GALNT13: variants seen among roughly 807,000 people sequenced by gnomAD.
GALNT13 encodes polypeptide N-acetylgalactosaminyltransferase 13, also known as UDP-GalNAc:polypeptide N-acetylgalactosaminyltransferase 13.
In GALNT13, 28 loss-of-function variants were observed where a neutral mutation model predicts 64.2. The ratio of observed to expected loss-of-function variants is 0.44; its 90% CI spans 0.32 to 0.60. The LOEUF (loss-of-function observed/expected upper bound fraction) is 0.60. GALNT13 is among the 20% of genes least tolerant of loss of function. The pLI is 0.05. For synonymous variants in GALNT13, 214 were observed against 224.6 expected, an observed-to-expected ratio of 0.95 and a Z score of 0.42; for missense variants, 577 against 669.8, an observed-to-expected ratio of 0.86 and a Z score of 1.53.
chr2:154,095,422 G>A (rs952710115), intron 3 of GALNT13, among the ~76,000 whole-genome samples: 1 of 151,916 alleles, frequency 6.6e-6, no homozygotes, highest in East Asian at 1.9e-4. Context: ...GTAATTGGGT[G>A]TTTTTTGCAA....
intron 3 of GALNT13, among the ~76,000 whole-genome samples, chr2:154,084,939 G>A (rs191585007): frequency 2.0e-5 from 3 of 151,696 alleles, no homozygotes; most frequent in African/African-American, 7.3e-5. Context: ...CCTCAGTAAG[G>A]CAATTTAATT....
the GALNT13 span, among the ~76,000 whole-genome samples, chr2:153,328,617 C>G: frequency 9.2e-5 from 14 of 152,228 alleles, no homozygotes; most frequent in African/African-American, 3.4e-4. Flanking sequence ...AGGGGAAACC[C>G]GTCTACTCAA....
the GALNT13 span, among the ~76,000 whole-genome samples, chr2:153,758,428 C>T: frequency 6.6e-6 from 1 of 151,940 alleles, no homozygotes; most frequent in Admixed American, 6.6e-5. Context: ...AGTGTAATGC[C>T]TCCAGCTTTG....
chr2:153,760,214 C>A, the GALNT13 span, among the ~76,000 whole-genome samples: 1 of 151,704 alleles, frequency 6.6e-6, no homozygotes, highest in Non-Finnish European at 1.5e-5. Flanking sequence ...CTATGTTTAT[C>A]TTCTCAAAAA....
At chr2:153,463,515 G>A in the GALNT13 span, among the ~76,000 whole-genome samples, 1 of 152,016 alleles carries the variant, frequency 6.6e-6, no homozygotes, top group Non-Finnish European at 1.5e-5. Context: ...CACTAAGTGA[G>A]CCTGCAGAAC....
intron 4 of GALNT13, among the ~76,000 whole-genome samples, chr2:154,169,067 T>C (rs565389819): frequency 6.6e-6 from 1 of 151,996 alleles, no homozygotes; most frequent in South Asian, 2.1e-4. Context: ...TAGGCTCCTT[T>C]TAACAACCTG....
chr2:153,295,550 C>T, the GALNT13 span, among the ~76,000 whole-genome samples: 5 of 150,210 alleles, frequency 3.3e-5, no homozygotes, highest in Admixed American at 6.6e-5. Flanking sequence ...AAAAAAGAAT[C>T]CTGTGCTCCA....
At chr2:153,787,102 A>G in the GALNT13 span, among the ~76,000 whole-genome samples, 34 of 152,278 alleles carry the variant, frequency 2.2e-4, no homozygotes, top group African/African-American at 7.9e-4. Context: ...GGGAGAAAAC[A>G]TAAACCCTGA....
At chr2:153,711,618 G>A in the GALNT13 span, among the ~76,000 whole-genome samples, 6 of 152,160 alleles carry the variant, frequency 3.9e-5, no homozygotes, top group South Asian at 2.1e-4. Flanking sequence ...AAGAAGTTAA[G>A]TAATTATATG....
intron 4 of GALNT13, among the ~76,000 whole-genome samples, chr2:154,160,166 G>A (rs1034941392): frequency 1.3e-5 from 2 of 152,060 alleles, no homozygotes; most frequent in Admixed American, 6.6e-5. Context: ...TAGATACTAT[G>A]GTGCAGCCTA....
chr2:154,167,009 G>A (rs1433923551), intron 4 of GALNT13, among the ~76,000 whole-genome samples: 1 of 152,028 alleles, frequency 6.6e-6, no homozygotes, highest in Non-Finnish European at 1.5e-5. Context: ...GATAGCATTA[G>A]GAGATATACC....
At chr2:154,168,620 G>A (rs956297784) in intron 4 of GALNT13, among the ~76,000 whole-genome samples, 3 of 148,262 alleles carry the variant, frequency 2.0e-5, no homozygotes, top group African/African-American at 7.5e-5. Context: ...AGATCACAAG[G>A]TCAGGAGTTC....
At chr2:154,149,716 T>C (rs1446099832) in intron 4 of GALNT13, among the ~76,000 whole-genome samples, 2 of 152,200 alleles carry the variant, frequency 1.3e-5, no homozygotes, top group African/African-American at 4.8e-5. Flanking sequence ...ACTCATGATT[T>C]GGCTCTCTGT....
the GALNT13 span, among the ~76,000 whole-genome samples, chr2:153,609,144 G>C: frequency 5.3e-5 from 8 of 151,926 alleles, no homozygotes; most frequent in Non-Finnish European, 1.0e-4. Flanking sequence ...GTTTCACCAT[G>C]TTCCCCAGGC....
At chr2:154,387,397 T>C (rs1208302584) in intron 9 of GALNT13, among the ~76,000 whole-genome samples, 2 of 152,096 alleles carry the variant, frequency 1.3e-5, no homozygotes, top group Non-Finnish European at 2.9e-5. Context: ...AATAAATAAA[T>C]CAAGCTAATT....
At chr2:153,154,989 T>C in the GALNT13 span, among the ~76,000 whole-genome samples, 1 of 152,200 alleles carries the variant, frequency 6.6e-6, no homozygotes, top group Non-Finnish European at 1.5e-5. Flanking sequence ...GAAAATCATG[T>C]GGTTTTTGTC....
At chr2:153,942,498 C>T (rs955242673) in intron 2 of GALNT13, among the ~76,000 whole-genome samples, 90 of 152,038 alleles carry the variant, frequency 5.9e-4, no homozygotes, top group African/African-American at 1.7e-3. Context: ...AGAATGTACA[C>T]GGTAACAGGA....
the GALNT13 span, among the ~76,000 whole-genome samples, chr2:153,404,029 A>G: frequency 6.6e-6 from 1 of 152,186 alleles, no homozygotes; most frequent in South Asian, 2.1e-4. Context: ...CTGTGTTTCT[A>G]CCAAACACTG....
At chr2:153,587,002 C>A in the GALNT13 span, among the ~76,000 whole-genome samples, 1 of 151,990 alleles carries the variant, frequency 6.6e-6, no homozygotes, top group East Asian at 1.9e-4. Flanking sequence ...GAGTCTGAGG[C>A]AGATGGATCA....
Sources: allele counts gnomAD v4.1 joint callset (sites outside exome capture counted in the v4.1 genomes callset), GRCh38; gene constraint gnomAD v4.1.1; transcripts MANE v1.5; gene names NCBI Gene and HGNC (gene_info 2026-07-23, HGNC 2026-07-21).